TGFBRAP1: variants seen among roughly 807,000 people sequenced by gnomAD.
TGFBRAP1 encodes the protein transforming growth factor-beta receptor-associated protein 1.
In TGFBRAP1, 20 loss-of-function variants were observed where a neutral mutation model predicts 83.2. That is an observed-to-expected ratio of 0.24 (90% CI 0.17 to 0.35). The LOEUF (loss-of-function observed/expected upper bound fraction) is 0.35. Among genes scored for constraint, TGFBRAP1 ranks in the 10% least tolerant of loss-of-function variants. TGFBRAP1 has a pLI of 1.00. For missense variants in TGFBRAP1, 950 were observed against 1,099.4 expected, an observed-to-expected ratio of 0.86 and a Z score of 1.92; for synonymous variants, 415 against 459.8, an observed-to-expected ratio of 0.90 and a Z score of 1.25.
chr2:105,262,331 G>A (rs1172163854), downstream of TGFBRAP1, among the ~76,000 whole-genome samples: 1 of 152,112 alleles, frequency 6.6e-6, no homozygotes, highest in Non-Finnish European at 1.5e-5. Flanking sequence ...GTTCACGTGA[G>A]AGCTGGCTGT....
At chr2:105,250,428 A>G in the TGFBRAP1 span, among the ~76,000 whole-genome samples, 1 of 152,058 alleles carries the variant, frequency 6.6e-6, no homozygotes, top group African/African-American at 2.4e-5. Context: ...AAAAATAACC[A>G]AGTTCATTTT....
At chr2:105,316,488 C>A (rs1678880444) in intron 1 of TGFBRAP1, among the ~76,000 whole-genome samples, 1 of 131,464 alleles carries the variant, frequency 7.6e-6, no homozygotes, top group East Asian at 2.3e-4. Flanking sequence ...CGCACGCGCA[C>A]ATAACTCAAA....
rs1678083352 is a variant in TGFBRAP1 at position 105,296,208 on chromosome 2, T to C, written c.1038+148A>G. On this transcript the variant is annotated intron_variant, in intron 4 of 11. Transcript: ENST00000393359. ...AAAGCCTGTTTCCTTATCTACACAA[T>C]ATGTATTTGTTGAGAAAATTAAACA... 15 of 984,994 alleles carry C rather than the reference T, an allele frequency of 1.5e-5. No individual in the cohort carries two copies. In the South Asian group the frequency reaches 2.3e-4, roughly 15 times the overall value. The allele number at this position is 984,994 out of a possible 1,614,324, so 61.0% of individuals were successfully genotyped here.
chr2:105,298,234 CAGGAAGCCCTCCCTGATATCTCT>C (rs1218295148), intron 3 of TGFBRAP1, among the ~76,000 whole-genome samples: 6 of 152,156 alleles, frequency 3.9e-5, no homozygotes, highest in Non-Finnish European at 7.4e-5. Flanking sequence ...GCACCTCCTT[CAGGAAGCCCTCCCTGATATCTCT>C]AGGAAATACT....
intron 1 of TGFBRAP1, among the ~76,000 whole-genome samples, chr2:105,319,553 G>T (rs1220169127): frequency 6.7e-6 from 1 of 149,766 alleles, no homozygotes; most frequent in East Asian, 2.0e-4. Flanking sequence ...TTAGTTGGGT[G>T]TGGTGGCAGG....
rs761624071 is a variant in TGFBRAP1 at position 105,269,499 on chromosome 2, C to T, written c.2179G>A (p.Gly727Ser). The change falls in exon 11 of 12, where the codon GGC (glycine) becomes AGC (serine). Residue 727 changes from glycine (G) to serine (S), a missense_variant. Gly to Ser is a moderately conservative substitution (Grantham distance 56). Transcript: ENST00000393359. This position sits in a 1 kb window ranked among gnomAD's most constrained non-coding sequence, Gnocchi z 4.1. ...ACGGCCAGCTCGTGGGCAGTGGGGC[C>T]AGCATGCAGGTAGATGGCCAGCAGC... ...HTLLAIYLHA[G>S]PTAHELAVAA... The T allele has an allele frequency of 1.2e-5, 20 of 1,613,316 alleles. No individual in the cohort carries two copies. The highest frequency in any genetic ancestry group is 1.5e-5 in the Non-Finnish European group (18 of 1,179,768).
intron 4 of TGFBRAP1, among the ~76,000 whole-genome samples, chr2:105,294,598 T>C (rs1678020761): frequency 6.6e-6 from 1 of 152,116 alleles, no homozygotes; most frequent in Non-Finnish European, 1.5e-5. Flanking sequence ...CTCGAGATAA[T>C]TCTGAAGGTG....
At chr2:105,284,518 G>A (rs990817551) in intron 4 of TGFBRAP1, 120 bp from the exon 5 acceptor site, 2 of 867,868 alleles carry the variant, frequency 2.3e-6, no homozygotes, top group Admixed American at 2.3e-5. Flanking sequence ...TACAAGCTGA[G>A]GAAAAAACAA....
At chr2:105,319,606 C>T (rs1015380427) in intron 1 of TGFBRAP1, among the ~76,000 whole-genome samples, 52 of 148,106 alleles carry the variant, frequency 3.5e-4, no homozygotes, top group African/African-American at 1.3e-3. Flanking sequence ...GCAGGAGAAT[C>T]ACTTGAACCC....
chr2:105,292,379 G>A (rs967050239), intron 4 of TGFBRAP1, among the ~76,000 whole-genome samples: 5 of 152,192 alleles, frequency 3.3e-5, no homozygotes, highest in Non-Finnish European at 7.3e-5. Flanking sequence ...AGCAGATGCT[G>A]AGGAACACAG....
At chr2:105,260,551 T>G (rs1676765768), downstream of TGFBRAP1, among the ~76,000 whole-genome samples, 1 of 152,102 alleles carries the variant, frequency 6.6e-6, no homozygotes, top group Non-Finnish European at 1.5e-5. Context: ...GTCAAGCTCA[T>G]AGAGATAGAA....
At chr2:105,255,702 C>T in the TGFBRAP1 span, among the ~76,000 whole-genome samples, 7 of 152,182 alleles carry the variant, frequency 4.6e-5, no homozygotes, top group Admixed American at 2.0e-4. Context: ...ATGGGGTCGC[C>T]ATCCACCTGT....
At chr2:105,251,253 T>C in the TGFBRAP1 span, among the ~76,000 whole-genome samples, 1 of 137,460 alleles carries the variant, frequency 7.3e-6, no homozygotes, top group Admixed American at 7.4e-5. Flanking sequence ...GAGGAGCGTC[T>C]CTGCCTGGCT....
chr2:105,321,063 G>A (rs1367338666), intron 1 of TGFBRAP1, among the ~76,000 whole-genome samples: 1 of 152,206 alleles, frequency 6.6e-6, no homozygotes, highest in Non-Finnish European at 1.5e-5. Context: ...TCCTCTGACT[G>A]GCTGATGGCA....
intron 1 of TGFBRAP1, among the ~76,000 whole-genome samples, chr2:105,315,516 T>C (rs1678827728): frequency 6.6e-6 from 1 of 152,146 alleles, no homozygotes; most frequent in Admixed American, 6.6e-5. Flanking sequence ...TCCTACAAAC[T>C]AATAACAAGA....
intron 1 of TGFBRAP1, among the ~76,000 whole-genome samples, chr2:105,316,045 T>C (rs1021234581): frequency 3.9e-5 from 6 of 152,154 alleles, no homozygotes; most frequent in Admixed American, 2.0e-4. Flanking sequence ...AGGCAACAAA[T>C]AGATGACCCT....
chr2:105,274,361 C>A (rs1464621112), intron 8 of TGFBRAP1, among the ~76,000 whole-genome samples: 1 of 152,198 alleles, frequency 6.6e-6, no homozygotes, highest in African/African-American at 2.4e-5. Flanking sequence ...CTATCATGTG[C>A]ACGCACACAC....
chr2:105,282,225 T>C (rs1328528896), intron 5 of TGFBRAP1, among the ~76,000 whole-genome samples: 1 of 152,158 alleles, frequency 6.6e-6, no homozygotes, highest in Non-Finnish European at 1.5e-5. Flanking sequence ...CTTCCATCCA[T>C]TGCTCAGATG....
rs1367490105 is a variant in TGFBRAP1 at position 105,275,124 on chromosome 2, A to C, written c.1665+436T>G. On this transcript the variant is annotated intron_variant, in intron 8 of 11. Coordinates refer to ENST00000393359, the MANE Select transcript of TGFBRAP1 (RefSeq NM_004257.6). ...CATGTTGGCAGTGGTGGGAGCAGGG[A>C]TGAGGGCCCAGTGTGGCCCAGGTCT... is the stretch of plus-strand genomic sequence containing the variant. Among the ~76,000 whole-genome samples the C allele has an allele frequency of 2.0e-5, 3 of 152,156 alleles. No homozygotes were observed. The East Asian group carries it at 5.8e-4, about 29-fold the overall frequency.
Sources: allele counts gnomAD v4.1 joint callset (sites outside exome capture counted in the v4.1 genomes callset), GRCh38; gene constraint gnomAD v4.1.1; non-coding constraint Gnocchi (gnomAD v3.1); transcripts MANE v1.5; gene names NCBI Gene and HGNC (gene_info 2026-07-23, HGNC 2026-07-21).